The following KBTBD2 variants were observed in gnomAD, a reference collection of about 807,000 sequenced individuals.
The protein encoded by KBTBD2 is kelch repeat and BTB domain containing 2.
In KBTBD2, 17 loss-of-function variants were observed where a neutral mutation model predicts 57.1. That is an observed-to-expected ratio of 0.30 (90% CI 0.20 to 0.45). The LOEUF (loss-of-function observed/expected upper bound fraction) is 0.45. Among genes scored for constraint, KBTBD2 ranks in the 20% least tolerant of loss-of-function variants. The probability of loss-of-function intolerance (pLI) is 1.00; values close to 1 mark genes in which losing one functional copy is unlikely to be tolerated. For missense variants in KBTBD2, 515 were observed against 750.6 expected, an observed-to-expected ratio of 0.69 and a Z score of 3.67; for synonymous variants, 267 against 262.7, an observed-to-expected ratio of 1.02 and a Z score of -0.16.
chr7:32,889,956 T>C (rs1784687862), intron 1 of KBTBD2, among the ~76,000 whole-genome samples: 2 of 152,226 alleles, frequency 1.3e-5, no homozygotes, highest in Admixed American at 6.5e-5. Context: ...CAGAAGAAAA[T>C]CTATGGAGGA....
rs1252679292 is a variant in KBTBD2 at position 32,870,690 on chromosome 7, A to G, written c.527T>C (p.Leu176Pro). 1 of 1,614,088 alleles carries G rather than the reference A, an allele frequency of 6.2e-7. No individual in the cohort carries two copies. Among genetic ancestry groups the G allele is most frequent in the Non-Finnish European group, 8.5e-7 (1 of 1,180,048 alleles). Residue 176 changes from leucine to proline, a missense_variant, in exon 4 of 4, where the codon CTA (leucine) becomes CCA (proline). Transcript: ENST00000304056. The stretch of plus-strand genomic sequence containing the variant: ...GTCACTACTGAGAATATCTATCAGT[A>G]GGTCATGTGACAGCTGCATGAACGC... ...QDAFMQLSHD[L>P]LIDILSSDNL...
rs1172977099 is a variant in KBTBD2 at position 32,868,834 on chromosome 7, T to A, written c.*511A>T. ...TTCCCTGTGTAATACCATAAAATTATGGAAGATCTTCCTCAACTAGAGTAT... is the reference window on the plus strand; with the variant it reads ...TTCCCTGTGTAATACCATAAAATTAAGGAAGATCTTCCTCAACTAGAGTAT... On this transcript the variant is annotated 3_prime_UTR_variant, in exon 4 of 4. Coordinates refer to ENST00000304056, the MANE Select transcript of KBTBD2 (RefSeq NM_015483.3). The A allele has an allele frequency of 6.5e-6, 1 of 154,366 alleles. No homozygotes were observed. The highest frequency in any genetic ancestry group is 2.4e-5 in the African/African-American group (1 of 41,464). The allele number at this position is 154,366 out of a possible 1,614,324, so 9.6% of individuals were successfully genotyped here. A position where few individuals can be genotyped will look rare whatever the true frequency, so the allele number is the denominator to read the frequency against.
intron 1 of KBTBD2, among the ~76,000 whole-genome samples, chr7:32,885,588 A>G (rs1784559014): frequency 6.6e-6 from 1 of 152,098 alleles, no homozygotes; most frequent in African/African-American, 2.4e-5. Context: ...GTTATAAGCC[A>G]CAATTCCTGG....
Position 32,870,488 on chromosome 7 carries a change from T to A in KBTBD2, c.729A>T (p.Ser243=). 6.2e-7 allele frequency: 1 copy of A among 1,614,020 alleles called. No homozygotes were observed. The change falls in exon 4 of 4, where the codon TCA becomes TCT. Residue 243 remains serine (S), a synonymous_variant. Transcript: ENST00000304056. The stretch of plus-strand genomic sequence containing the variant: ...ACTTATACAGACCTTGAACCACCAC[T>A]GACTTATCATTGGGTGGCAGACCTT... The part of the protein sequence containing the change: ...WFQGLPPNDK[S]VVVQGLYKSM...
chr7:32,872,393 A>G (rs1784203060), intron 3 of KBTBD2, among the ~76,000 whole-genome samples: 2 of 152,142 alleles, frequency 1.3e-5, no homozygotes, highest in Admixed American at 1.3e-4. Context: ...TAAGGAGTAA[A>G]GGTTGGCCAG....
chr7:32,871,840 G>A (rs1784185888), intron 3 of KBTBD2, among the ~76,000 whole-genome samples: 1 of 110,940 alleles, frequency 9.0e-6, no homozygotes, highest in South Asian at 3.2e-4. Flanking sequence ...CAGGCTTCCA[G>A]GGCAACACAG....
In KBTBD2 at chr7:32,888,037, C is replaced by T. The variant is rs150244741; in HGVS notation, c.-339+3499G>A. ...CTGGATTCCACACCTTCACCAGGTC[C>T]GAAGATTCCAATTTCAAGGTCTCAG... On this transcript the variant is annotated intron_variant, in intron 1 of 3. Transcript: ENST00000304056. Among the ~76,000 whole-genome samples, 30 of 152,260 alleles carry T rather than the reference C, an allele frequency of 2.0e-4. No individual in the cohort carries two copies. The East Asian group carries it at 4.4e-3, about 23-fold the overall frequency.
Position 32,870,833 on chromosome 7 carries a change from T to A in KBTBD2, c.384A>T (p.Ile128=). The A allele has an allele frequency of 1.3e-6, 2 of 1,598,864 alleles. No individual in the cohort carries two copies. The highest frequency in any genetic ancestry group is 1.7e-6 in the Non-Finnish European group (2 of 1,176,166). ...QRCREYLIKK[I]NAENCVRLLS... Reference sequence around the variant, plus strand: ...ACAATCGTACACAATTCTCTGCATTTATTTTTTTAATTAAATATTCTCGAC... The same window carrying A: ...ACAATCGTACACAATTCTCTGCATTAATTTTTTTAATTAAATATTCTCGAC... The change falls in exon 4 of 4, where the codon ATA becomes ATT. Residue 128 remains isoleucine, a synonymous_variant. Coordinates refer to ENST00000304056, the MANE Select transcript of KBTBD2 (RefSeq NM_015483.3).
At chr7:32,890,947 A>G (rs1784718317) in intron 1 of KBTBD2, 1 of 152,236 alleles carries the variant, frequency 6.6e-6, no homozygotes, top group South Asian at 2.1e-4. Context: ...AATTCAAGGA[A>G]GTTAAAGATT....
At chr7:32,877,378 CTGAG>C (rs1435682879) in intron 2 of KBTBD2, among the ~76,000 whole-genome samples, 7 of 152,160 alleles carry the variant, frequency 4.6e-5, no homozygotes, top group Admixed American at 1.3e-4. Context: ...AACAGAAGTG[CTGAG>C]TAATTCTCAA....
chr7:32,885,708 G>A (rs530448343), intron 1 of KBTBD2, among the ~76,000 whole-genome samples: 4 of 152,194 alleles, frequency 2.6e-5, no homozygotes, highest in Admixed American at 6.5e-5. Flanking sequence ...TTGGAGTCAT[G>A]CAAACACAAT....
At position 32,869,090 on chromosome 7, in the gene KBTBD2, G is replaced by A; in HGVS notation, c.*255C>T. On this transcript the variant is annotated 3_prime_UTR_variant, in exon 4 of 4. Transcript: ENST00000304056. ...AGGGCTAACAATGTTAGATAATCCAGATTCTTATACTCTCATGATTACACA... is the reference window on the plus strand; with the variant it reads ...AGGGCTAACAATGTTAGATAATCCAAATTCTTATACTCTCATGATTACACA... 2.8e-6 allele frequency: 1 copy of A among 362,292 alleles called. No individual in the cohort carries two copies. Among genetic ancestry groups the A allele is most frequent in the Non-Finnish European group, 5.0e-6 (1 of 200,966 alleles). 22.4% of individuals were successfully genotyped at this position (362,292 alleles called of 1,614,324 possible).
chr7:32,885,066 G>C (rs1488792272), intron 1 of KBTBD2, among the ~76,000 whole-genome samples: 1 of 145,270 alleles, frequency 6.9e-6, no homozygotes, highest in Non-Finnish European at 1.5e-5. Flanking sequence ...TTAAGAGACA[G>C]GATTGTACTA....
chr7:32,885,086 G>A (rs146461245), intron 1 of KBTBD2, among the ~76,000 whole-genome samples: 1 of 149,128 alleles, frequency 6.7e-6, no homozygotes, highest in African/African-American at 2.5e-5. Context: ...ATGTTGCCCA[G>A]GCTGGTCTTG....
chr7:32,872,961 T>C (rs1784218076), intron 3 of KBTBD2, among the ~76,000 whole-genome samples: 1 of 152,114 alleles, frequency 6.6e-6, no homozygotes, highest in East Asian at 1.9e-4. Flanking sequence ...ATGAACTGAG[T>C]TCTGGTTTCC....
chr7:32,869,383 C>A lies in KBTBD2; in HGVS notation c.1834G>T (p.Glu612Ter). 1 of 1,613,566 alleles carries A rather than the reference C, an allele frequency of 6.2e-7. No homozygotes were observed. Among genetic ancestry groups the A allele is most frequent in the South Asian group, 1.1e-5 (1 of 90,992 alleles). ...AGTGCAACCATTTCTCCATCCAGTTCAAACTCTTCTGTCCCATCCGTTGAA... is the reference window on the plus strand; with the variant it reads ...AGTGCAACCATTTCTCCATCCAGTTAAAACTCTTCTGTCCCATCCGTTGAA... ...LFSTDGTEEF[E>*]LDGEMVALPP... The change falls in exon 4 of 4, where the codon GAA (glutamate) becomes TAA (stop). Residue 612 changes from glutamate (E) to a stop codon, truncating the protein, a stop_gained. Coordinates refer to ENST00000304056, the MANE Select transcript of KBTBD2 (RefSeq NM_015483.3). LOFTEE classifies it high-confidence loss of function.
chr7:32,890,649 G>T (rs1354275140), intron 1 of KBTBD2, among the ~76,000 whole-genome samples: 1 of 152,202 alleles, frequency 6.6e-6, no homozygotes, highest in Non-Finnish European at 1.5e-5. Flanking sequence ...CACGTGACCA[G>T]TCCTGTTGCC....
At chr7:32,878,318 C>T (rs193199184) in intron 2 of KBTBD2, among the ~76,000 whole-genome samples, 6 of 152,108 alleles carry the variant, frequency 3.9e-5, no homozygotes, top group African/African-American at 1.2e-4. Flanking sequence ...CAGTGGCTCA[C>T]GCCTGTAATC....
intron 1 of KBTBD2, among the ~76,000 whole-genome samples, chr7:32,887,519 AAAAAT>A (rs1480660069): frequency 1.3e-5 from 2 of 152,204 alleles, no homozygotes; most frequent in Admixed American, 6.5e-5. Flanking sequence ...TTTGCCAACT[AAAAAT>A]AAAATAAATT....
Sources: gnomAD v4.1 joint callset for allele counts (sites outside exome capture counted in the v4.1 genomes callset) on GRCh38, gnomAD v4.1.1 for gene constraint, MANE v1.5 for transcripts, NCBI Gene and HGNC (gene_info 2026-07-23, HGNC 2026-07-21) for gene names.